CLASP1: variants seen among roughly 807,000 people sequenced by gnomAD.
CLASP1 encodes cytoplasmic linker associated protein 1.
Under a neutral mutation model 192.3 loss-of-function variants are expected in CLASP1, and 38 were observed. The ratio of observed to expected loss-of-function variants is 0.20; its 90% CI spans 0.15 to 0.26. The LOEUF is 0.26. Ranked by LOEUF, CLASP1 falls within the 10% of genes least tolerant of loss-of-function variation. The pLI, the probability that CLASP1 is intolerant of heterozygous loss-of-function variation, is 1.00. For synonymous variants in CLASP1, 691 were observed against 712.8 expected, an observed-to-expected ratio of 0.97 and a Z score of 0.49; for missense variants, 1,433 against 1,932.5, an observed-to-expected ratio of 0.74 and a Z score of 4.85.
intron 9 of CLASP1, among the ~76,000 whole-genome samples, chr2:121,466,815 T>C (rs2089679597): frequency 6.6e-6 from 1 of 152,256 alleles, no homozygotes; most frequent in Admixed American, 6.5e-5. Context: ...TATTTATTTT[T>C]ATTCCCAACT....
At chr2:121,425,237 G>A (rs2149601662) in exon 22 of CLASP1, 2 of 1,613,494 alleles carry the variant, frequency 1.2e-6, no homozygotes, top group Non-Finnish European at 1.7e-6. Flanking sequence ...TGGGCCTCGT[G>A]AGGAGCCCCC....
intron 1 of CLASP1, among the ~76,000 whole-genome samples, chr2:121,608,704 T>C (rs2064787054): frequency 6.6e-6 from 1 of 152,242 alleles, no homozygotes; most frequent in Non-Finnish European, 1.5e-5. Flanking sequence ...ATTTCATTGT[T>C]GTTTTATTTA....
At position 121,479,054 on chromosome 2, in the gene CLASP1, C is replaced by CA. The variant is rs1559371265; in HGVS notation, c.713-9095_713-9094insT. On this transcript the variant is annotated intron_variant, in intron 8 of 39. Transcript: ENST00000263710. ...CACCCCACACACACACACACCCCCC[C>CA]CCCACACACACACACACACACCATC... is the stretch of plus-strand genomic sequence containing the variant. Among the ~76,000 whole-genome samples the CA allele has an allele frequency of 2.1e-3, 201 of 96,786 alleles. 10 individuals carry two copies. The highest frequency in any genetic ancestry group is 6.6e-3 in the South Asian group (19 of 2,900). The allele number at this position is 96,786 out of a possible 152,430, so 63.5% of individuals were successfully genotyped here.
At chr2:121,529,837 G>A (rs1231167113) in intron 3 of CLASP1, among the ~76,000 whole-genome samples, 1 of 152,220 alleles carries the variant, frequency 6.6e-6, no homozygotes, top group Non-Finnish European at 1.5e-5. Flanking sequence ...AAAGGGGACC[G>A]GGGTCAGGGT....
At chr2:121,445,762 A>G (rs2084213608) in intron 19 of CLASP1, among the ~76,000 whole-genome samples, 1 of 152,188 alleles carries the variant, frequency 6.6e-6, no homozygotes, top group African/African-American at 2.4e-5. Context: ...TCAGCTCCAT[A>G]TTATCATACC....
At chr2:121,564,240 C>T (rs191912205) in intron 2 of CLASP1, among the ~76,000 whole-genome samples, 7 of 152,230 alleles carry the variant, frequency 4.6e-5, no homozygotes, top group East Asian at 3.9e-4. Flanking sequence ...AAGGTGGCGG[C>T]GGGGTAGGGA....
Position 121,370,321 on chromosome 2 carries a change from C to T in CLASP1, c.3643-2490G>A, listed in dbSNP as rs752047434. ...TGAATTGTGAAGCTCCTCCATTCTT[C>T]GATTTTCTTTCTTTTTTTTTGAGAC... On this transcript the variant is annotated intron_variant, in intron 34 of 39. Transcript: ENST00000263710. 5.3e-5 allele frequency among the ~76,000 whole-genome samples: 8 copies of T among 152,152 alleles called. No homozygotes were observed. In the South Asian group the frequency reaches 6.2e-4, roughly 12 times the overall value.
rs1307479697 is a variant in CLASP1 at position 121,605,730 on chromosome 2, T to C, written c.166A>G (p.Thr56Ala). The change falls in exon 2 of 40, where the codon ACC becomes GCC. Residue 56 changes from threonine to alanine, a missense_variant. Physicochemically the swap from Thr to Ala is moderately conservative, Grantham distance 58. Coordinates refer to ENST00000263710, the Ensembl canonical transcript of CLASP1. ...TAATTGCTAGAGTTCACCCAAGAGG[T>C]AGCAAGTCCATCCACAAGTTTATCT... The C allele has an allele frequency of 6.2e-7, 1 of 1,613,912 alleles. No homozygotes were observed. The highest frequency in any genetic ancestry group is 2.2e-5 in the East Asian group (1 of 44,882).
chr2:121,472,602 G>A (rs934860976), intron 8 of CLASP1, among the ~76,000 whole-genome samples: 4 of 152,348 alleles, frequency 2.6e-5, no homozygotes, highest in South Asian at 2.1e-4. Flanking sequence ...GTAAAGAACA[G>A]AGTTCAGAGA....
At chr2:121,617,155 C>T (rs1380273842) in intron 1 of CLASP1, among the ~76,000 whole-genome samples, 1 of 152,162 alleles carries the variant, frequency 6.6e-6, no homozygotes, top group Non-Finnish European at 1.5e-5. Flanking sequence ...CAGGTCCTTC[C>T]CTGTCTTCCA....
intron 32 of CLASP1, among the ~76,000 whole-genome samples, chr2:121,384,221 T>C (rs765269105): frequency 2.2e-4 from 34 of 151,286 alleles, no homozygotes; most frequent in Non-Finnish European, 4.3e-4. Flanking sequence ...CAGGGTCTCA[T>C]TCTGTTGTCC....
intron 2 of CLASP1, among the ~76,000 whole-genome samples, chr2:121,594,584 G>T (rs1239186096): frequency 6.6e-6 from 1 of 151,804 alleles, no homozygotes. Context: ...GTAGAGACGG[G>T]GTTTCACCTT....
intron 1 of CLASP1, among the ~76,000 whole-genome samples, chr2:121,618,652 G>A (rs1250437055): frequency 6.6e-6 from 1 of 150,992 alleles, no homozygotes; most frequent in Non-Finnish European, 1.5e-5. Flanking sequence ...TATGCATTAT[G>A]AATGTATTAT....
intron 2 of CLASP1, among the ~76,000 whole-genome samples, chr2:121,597,403 A>G (rs78379091): frequency 0.014 from 2,067 of 152,322 alleles, 61 homozygotes; most frequent in South Asian, 0.1. Flanking sequence ...GGCCAGGTAT[A>G]TTCTGGAATA....
Position 121,490,392 on chromosome 2 carries a change from G to A in CLASP1, c.712+12775C>T, listed in dbSNP as rs1480428122. ...AACTCTCCACCCACACTTGTTCAGT[G>A]TGATCCGGCAGCACCAATGACAACT... On this transcript the variant is annotated intron_variant, in intron 8 of 39. Transcript: ENST00000263710. The A allele has an allele frequency of 1.0e-5, 4 of 395,246 alleles. No homozygotes were observed. In the Admixed American group the frequency reaches 1.3e-4, roughly 13 times the overall value. 24.5% of individuals were successfully genotyped at this position (395,246 alleles called of 1,614,324 possible).
intron 23 of CLASP1, among the ~76,000 whole-genome samples, chr2:121,416,542 C>CA (rs1160336563): frequency 6.6e-6 from 1 of 152,130 alleles, no homozygotes. Flanking sequence ...AAGGAACCTT[C>CA]AGAGGATGTG....
chr2:121,341,604 T>C (rs978873083), intron 39 of CLASP1, among the ~76,000 whole-genome samples: 11 of 152,190 alleles, frequency 7.2e-5, no homozygotes, highest in African/African-American at 2.7e-4. Context: ...AGATATTCCA[T>C]GAAACAGTAA....
At chr2:121,498,004 C>A (rs572901045) in intron 8 of CLASP1, among the ~76,000 whole-genome samples, 1 of 152,100 alleles carries the variant, frequency 6.6e-6, no homozygotes, top group Non-Finnish European at 1.5e-5. Context: ...GGATTACAGG[C>A]GCACACCGCC....
chr2:121,418,818 T>C (rs1482393522), intron 22 of CLASP1, 89 bp from the exon 23 acceptor site: 7 of 955,158 alleles, frequency 7.3e-6, no homozygotes, highest in South Asian at 1.4e-5. Flanking sequence ...ATTTGGTTAA[T>C]GTAATTACGA....
Sources: gnomAD v4.1 joint callset for allele counts (sites outside exome capture counted in the v4.1 genomes callset) on GRCh38, gnomAD v4.1.1 for gene constraint, MANE v1.5 for transcripts, NCBI Gene and HGNC (gene_info 2026-07-23, HGNC 2026-07-21) for gene names.